Variants in BRD4 observed in about 807,000 individuals in gnomAD.
The protein encoded by BRD4 is bromodomain-containing protein 4.
Under a neutral mutation model 142.1 loss-of-function variants are expected in BRD4, and 16 were observed. That is an observed-to-expected ratio of 0.11 (90% CI 0.08 to 0.17). BRD4 has a LOEUF of 0.17. Ranked by LOEUF, BRD4 falls within the 10% of genes least tolerant of loss-of-function variation. BRD4 has a pLI of 1.00. For synonymous variants in BRD4, 833 were observed against 707.5 expected, an observed-to-expected ratio of 1.18 and a Z score of -2.82; for missense variants, 1,424 against 1,810.9, an observed-to-expected ratio of 0.79 and a Z score of 3.88.
intron 1 of BRD4, among the ~76,000 whole-genome samples, chr19:15,307,295 C>T (rs2047922634): frequency 6.6e-6 from 1 of 152,166 alleles, no homozygotes; most frequent in African/African-American, 2.4e-5. Flanking sequence ...GTGCTTGACC[C>T]TCATCAGTAA....
intron 1 of BRD4, among the ~76,000 whole-genome samples, chr19:15,293,516 A>G (rs1273530112): frequency 2.0e-5 from 3 of 152,230 alleles, no homozygotes; most frequent in East Asian, 3.8e-4. Context: ...TTTAACCGCC[A>G]TGGCAGAGTG....
At chr19:15,325,472 G>A (rs979811782) in intron 1 of BRD4, among the ~76,000 whole-genome samples, 9 of 152,196 alleles carry the variant, frequency 5.9e-5, no homozygotes, top group African/African-American at 2.2e-4. Flanking sequence ...GCAGGAGAGG[G>A]TAGAAAAGTC....
chr19:15,299,867 C>A (rs553081959), intron 1 of BRD4, among the ~76,000 whole-genome samples: 4 of 152,314 alleles, frequency 2.6e-5, no homozygotes, highest in East Asian at 3.9e-4. Flanking sequence ...GAGGAAAACA[C>A]GACTTAATTG....
Position 15,244,599 on chromosome 19 carries a change from T to C in BRD4, c.2213A>G (p.His738Arg), listed in dbSNP as rs200648959. Reference sequence around the variant, plus strand: ...CATCTGCTGATGGTGGTGATGATGGTGCTGCAGACAGAGAGACAGACAGAC... The same window carrying C: ...CATCTGCTGATGGTGGTGATGATGGCGCTGCAGACAGAGAGACAGACAGAC... Reference protein sequence around the residue: ...KGHPGREQKKHHHHHHQQMQQ... With the variant: ...KGHPGREQKKRHHHHHQQMQQ... The change falls in exon 13 of 20, where the codon CAC (histidine) becomes CGC (arginine). Residue 738 changes from histidine (H) to arginine (R), a missense_variant and splice_region_variant. Physicochemically the swap from His to Arg is conservative, Grantham distance 29 (BLOSUM62 0). This residue lies in a region of BRD4 where 598 missense variants were observed against 647.8 expected (regional missense o/e 0.92). Coordinates refer to ENST00000679869, the MANE Select transcript of BRD4 (RefSeq NM_001379291.1). The C allele has an allele frequency of 1.9e-6, 3 of 1,612,040 alleles. No individual in the cohort carries two copies. In the East Asian group the frequency reaches 6.7e-5, roughly 36 times the overall value.
chr19:15,253,540 G>T, intron 11 of BRD4: 1 of 1,544,616 alleles, frequency 6.5e-7, no homozygotes, highest in Non-Finnish European at 8.7e-7. Flanking sequence ...CCAGGTGCGT[G>T]TGGAGTTAGG....
At chr19:15,273,240 G>C in intron 1 of BRD4, 107 bp from the exon 2 acceptor site, 5 of 1,197,966 alleles carry the variant, frequency 4.2e-6, no homozygotes, top group Non-Finnish European at 4.6e-6. Flanking sequence ...GTTCCCTGGC[G>C]GTAGCTAGCC....
In BRD4 at chr19:15,238,936, T is replaced by C. The variant is rs1223163185; in HGVS notation, c.3827A>G (p.His1276Arg). 5 of 1,598,584 alleles carry C rather than the reference T, an allele frequency of 3.1e-6. No homozygotes were observed. In the Admixed American group the frequency reaches 5.1e-5, roughly 16 times the overall value. Residue 1276 changes from histidine to arginine, a missense_variant, in exon 19 of 20, where the codon CAT becomes CGT. This residue lies in a region of BRD4 where 109 missense variants were observed against 117.9 expected (regional missense o/e 0.92). Transcript: ENST00000679869. The surrounding 1 kb of genome is among the most constrained non-coding windows in gnomAD (Gnocchi z 7.2). Reference protein sequence around the residue: ...EDALEQARRAHEEARRRQEQQ... With the variant: ...EDALEQARRAREEARRRQEQQ... ...CTCCTGGCGCCGACGTGCCTCCTCATGGGCCCGCCGGGCCTGCTCCAGCGC... is the reference window on the plus strand; with the variant it reads ...CTCCTGGCGCCGACGTGCCTCCTCACGGGCCCGCCGGGCCTGCTCCAGCGC...
chr19:15,263,975 C>T (rs893511756), intron 6 of BRD4: 5 of 227,834 alleles, frequency 2.2e-5, no homozygotes, highest in Non-Finnish European at 4.3e-5. Flanking sequence ...CTAAAAAAGC[C>T]TCAAAACACT....
rs116952107 is a variant in BRD4 at position 15,237,511 on chromosome 19, C to T, written c.*866G>A. 4.9e-5 allele frequency: 11 copies of T among 225,992 alleles called. No individual in the cohort carries two copies. Among genetic ancestry groups the T allele is most frequent in the Non-Finnish European group, 9.7e-5 (11 of 113,784 alleles). 14.0% of individuals were successfully genotyped at this position (225,992 alleles called of 1,614,324 possible). ...ACACTACCCACAGCGCGGTGGCAGC[C>T]GCTGCTCAATGAGGAGACGATCACA... On this transcript the variant is annotated 3_prime_UTR_variant, in exon 20 of 20. Transcript: ENST00000679869.
chr19:15,330,131 C>T (rs1488499793), intron 1 of BRD4, among the ~76,000 whole-genome samples: 1 of 152,202 alleles, frequency 6.6e-6, no homozygotes, highest in East Asian at 1.9e-4. Flanking sequence ...TCAGCAATTC[C>T]ACTGGGCTGA....
chr19:15,235,880 G>C lies in BRD4; in HGVS notation c.*2497C>G, dbSNP rs922576389. The C allele has an allele frequency of 6.6e-6, 1 of 152,228 alleles. No individual in the cohort carries two copies. Among genetic ancestry groups the C allele is most frequent in the Admixed American group, 6.5e-5 (1 of 15,282 alleles). 9.4% of individuals were successfully genotyped at this position (152,228 alleles called of 1,614,324 possible). Reference sequence around the variant, plus strand: ...GGCTGAGTTAAATCTTCAGCAGGAAGCTGCAGAGAAAACTATCCAGCTCAG... The same window carrying C: ...GGCTGAGTTAAATCTTCAGCAGGAACCTGCAGAGAAAACTATCCAGCTCAG... On this transcript the variant is annotated 3_prime_UTR_variant, in exon 20 of 20. Coordinates refer to ENST00000679869, the MANE Select transcript of BRD4 (RefSeq NM_001379291.1).
At chr19:15,280,253 T>C in intron 1 of BRD4, 1 of 1,005,986 alleles carries the variant, frequency 9.9e-7, no homozygotes, top group African/African-American at 1.7e-5. Context: ...TCCACAGCTG[T>C]CTCCACTCAC....
At chr19:15,323,261 A>G (rs77519091) in intron 1 of BRD4, among the ~76,000 whole-genome samples, 155 of 149,864 alleles carry the variant, frequency 1.0e-3, no homozygotes, top group African/African-American at 3.6e-3. Flanking sequence ...ATCAAAACCT[A>G]TGCGCCCTAC....
chr19:15,296,872 CAT>C (rs1480355826), intron 1 of BRD4, among the ~76,000 whole-genome samples: 1 of 152,212 alleles, frequency 6.6e-6, no homozygotes, highest in African/African-American at 2.4e-5. Flanking sequence ...GTTCTCTAGG[CAT>C]ATAACCCTTT....
chr19:15,253,208 G>A (rs763093174), intron 11 of BRD4: 46 of 362,650 alleles, frequency 1.3e-4, no homozygotes, highest in South Asian at 5.1e-4. Context: ...CCCGTTGGCC[G>A]TAAACACAGG....
At chr19:15,283,624 G>T (rs1401448355) in intron 1 of BRD4, among the ~76,000 whole-genome samples, 1 of 152,184 alleles carries the variant, frequency 6.6e-6, no homozygotes. Context: ...TTAACACACA[G>T]TCCTGTTATG....
In BRD4 at chr19:15,237,835, CG is replaced by C; in HGVS notation, c.*541del. On this transcript the variant is annotated 3_prime_UTR_variant, in exon 20 of 20. Transcript: ENST00000679869. The stretch of plus-strand genomic sequence containing the variant: ...CAATTAAAGGCTTGTGGGGGAGGGT[CG>C]GGGGGTCTGTTCAAGGCAAAGTCAG... The C allele has an allele frequency of 9.2e-6, 2 of 218,574 alleles. No homozygotes were observed. The highest frequency in any genetic ancestry group is 9.1e-6 in the Non-Finnish European group (1 of 110,164). 13.5% of individuals were successfully genotyped at this position (218,574 alleles called of 1,614,324 possible). A position where few individuals can be genotyped will look rare whatever the true frequency, so the allele number is the denominator to read the frequency against.
intron 2 of BRD4, 65 bp from the exon 3 acceptor site, chr19:15,269,107 G>A (rs1275528188): frequency 6.3e-7 from 1 of 1,586,402 alleles, no homozygotes; most frequent in Non-Finnish European, 8.6e-7. Flanking sequence ...CGCTGGGCTG[G>A]CCAGGCTGGC....
chr19:15,259,131 G>C (rs1599456354), intron 7 of BRD4, among the ~76,000 whole-genome samples: 1 of 152,290 alleles, frequency 6.6e-6, no homozygotes, highest in East Asian at 1.9e-4. Flanking sequence ...GGTGGGCTCA[G>C]GTCCCAAAAT....
Sources: gnomAD v4.1 joint callset for allele counts (sites outside exome capture counted in the v4.1 genomes callset) on GRCh38, gnomAD v4.1.1 for gene constraint, gnomAD v4.1.1 regional missense constraint, Gnocchi (gnomAD v3.1) non-coding constraint, MANE v1.5 for transcripts, NCBI Gene and HGNC (gene_info 2026-07-23, HGNC 2026-07-21) for gene names.